Variants in RHBDD1 observed in about 807,000 individuals in gnomAD.
RHBDD1 encodes rhomboid domain containing 1.
A neutral mutation model predicts 36.3 loss-of-function variants in RHBDD1; 38 were observed. The observed-to-expected ratio is 1.05, with a 90% CI of 0.81 to 1.37. The LOEUF (loss-of-function observed/expected upper bound fraction) is 1.37. Among genes scored for constraint, RHBDD1 ranks in the 40% most tolerant of loss-of-function variants. RHBDD1 has a pLI of 0.00. For synonymous variants in RHBDD1, 151 were observed against 136.5 expected, an observed-to-expected ratio of 1.11 and a Z score of -0.74; for missense variants, 393 against 377.6, an observed-to-expected ratio of 1.04 and a Z score of -0.34.
At chr2:226,941,762 C>T (rs1248632745) in intron 8 of RHBDD1, among the ~76,000 whole-genome samples, 3 of 152,142 alleles carry the variant, frequency 2.0e-5, no homozygotes, top group Non-Finnish European at 4.4e-5. Flanking sequence ...AAAGCCACTT[C>T]GCATTTGGGT....
chr2:226,947,175 C>T (rs925263060), intron 8 of RHBDD1, among the ~76,000 whole-genome samples: 1 of 151,356 alleles, frequency 6.6e-6, no homozygotes, highest in African/African-American at 2.4e-5. Flanking sequence ...GAAGTCCTTG[C>T]CCATGCCTAT....
chr2:226,882,799 G>A (rs1431207058), intron 5 of RHBDD1, among the ~76,000 whole-genome samples: 20 of 152,106 alleles, frequency 1.3e-4, no homozygotes, highest in Admixed American at 1.3e-3. Flanking sequence ...TACACAACAG[G>A]AATTTATTTC....
intron 8 of RHBDD1, among the ~76,000 whole-genome samples, chr2:226,919,416 A>G (rs1399849868): frequency 1.3e-5 from 2 of 151,916 alleles, no homozygotes; most frequent in Admixed American, 1.3e-4. Context: ...TCCTGGAGAG[A>G]TTCCCCAACA....
At chr2:226,973,475 A>G (rs571003246) in intron 8 of RHBDD1, among the ~76,000 whole-genome samples, 16 of 152,306 alleles carry the variant, frequency 1.1e-4, no homozygotes, top group South Asian at 2.1e-4. Context: ...CATTTACCCA[A>G]CTGCCCCCAT....
At chr2:226,988,550 CT>C in intron 8 of RHBDD1, 1 of 1,422,858 alleles carries the variant, frequency 7.0e-7, no homozygotes, top group Non-Finnish European at 9.2e-7. Flanking sequence ...CTGGCCCTCT[CT>C]GCGGACTGGT....
chr2:226,836,693 A>C (rs1941010238), intron 1 of RHBDD1, among the ~76,000 whole-genome samples: 1 of 152,196 alleles, frequency 6.6e-6, no homozygotes, highest in African/African-American at 2.4e-5. Context: ...AAAATGAATG[A>C]GTGCCTGCCT....
At chr2:226,953,614 C>T (rs527694857) in intron 8 of RHBDD1, among the ~76,000 whole-genome samples, 40 of 152,092 alleles carry the variant, frequency 2.6e-4, no homozygotes, top group Admixed American at 1.2e-3. Context: ...CTATAATATA[C>T]AATCAAAAAA....
intron 8 of RHBDD1, chr2:226,935,127 C>T (rs1241679651): frequency 6.6e-6 from 1 of 152,178 alleles, no homozygotes; most frequent in Non-Finnish European, 1.5e-5. Context: ...TGCTAGGTAG[C>T]ATATATGAAA....
At chr2:226,989,654 G>A (rs1957743112) in intron 8 of RHBDD1, among the ~76,000 whole-genome samples, 1 of 152,136 alleles carries the variant, frequency 6.6e-6, no homozygotes, top group African/African-American at 2.4e-5. Flanking sequence ...ACCATATCTT[G>A]TCTATATTGC....
chr2:226,892,363 T>C (rs941214652), intron 5 of RHBDD1, among the ~76,000 whole-genome samples: 1 of 152,236 alleles, frequency 6.6e-6, no homozygotes, highest in Non-Finnish European at 1.5e-5. Context: ...TCTGAAATTA[T>C]GGGCTAACTT....
intron 1 of RHBDD1, among the ~76,000 whole-genome samples, chr2:226,837,289 C>T (rs1299394753): frequency 6.6e-6 from 1 of 152,118 alleles, no homozygotes; most frequent in Non-Finnish European, 1.5e-5. Flanking sequence ...AAAATAAGTA[C>T]ATAGTTTGTG....
At chr2:226,854,600 C>CG (rs1943140029) in intron 3 of RHBDD1, among the ~76,000 whole-genome samples, 1 of 71,704 alleles carries the variant, frequency 1.4e-5, no homozygotes, top group Admixed American at 1.7e-4. Flanking sequence ...GACTCTGTTT[C>CG]GAAAAAAAAA....
chr2:226,912,072 C>G (rs535709150), intron 7 of RHBDD1, among the ~76,000 whole-genome samples: 8 of 152,132 alleles, frequency 5.3e-5, no homozygotes, highest in Non-Finnish European at 1.2e-4. Flanking sequence ...TCTGGCTAGA[C>G]ATTTCTCTAA....
At chr2:226,854,162 T>G (rs1028590098) in intron 3 of RHBDD1, among the ~76,000 whole-genome samples, 2 of 152,218 alleles carry the variant, frequency 1.3e-5, no homozygotes, top group African/African-American at 2.4e-5. Flanking sequence ...CTGCTAATAC[T>G]TATATGGTAC....
intron 5 of RHBDD1, among the ~76,000 whole-genome samples, chr2:226,883,304 G>A (rs1379771049): frequency 6.6e-6 from 1 of 152,200 alleles, no homozygotes; most frequent in African/African-American, 2.4e-5. Flanking sequence ...TAATTAGACA[G>A]GCCTGCTGTG....
chr2:226,972,348 C>G (rs888707071), intron 8 of RHBDD1, among the ~76,000 whole-genome samples: 8 of 152,138 alleles, frequency 5.3e-5, no homozygotes, highest in African/African-American at 1.9e-4. Context: ...AAGCCCACTT[C>G]TTAAGAAAGA....
chr2:226,939,673 G>A (rs1950547417), intron 8 of RHBDD1, among the ~76,000 whole-genome samples: 1 of 152,182 alleles, frequency 6.6e-6, no homozygotes, highest in Admixed American at 6.5e-5. Flanking sequence ...TCAATATCAT[G>A]AAAATGGTCA....
At chr2:226,991,526 A>G (rs1958216817) in intron 8 of RHBDD1, among the ~76,000 whole-genome samples, 1 of 152,312 alleles carries the variant, frequency 6.6e-6, no homozygotes, top group South Asian at 2.1e-4. Context: ...TAGGAACCAA[A>G]TAGACATTTA....
rs1206046175 is a variant in RHBDD1 at position 226,897,301 on chromosome 2, GGT to G, written c.567-9483_567-9482del. On this transcript the variant is annotated intron_variant, in intron 5 of 8. Transcript: ENST00000392062. ...TGCTTTCTTACACTTAACAGTTTGA[GGT>G]GTGTGTGTCTGTCTGTCTGTCTGTC... Among the ~76,000 whole-genome samples, 7 of 124,988 alleles carry G rather than the reference GGT, an allele frequency of 5.6e-5. No individual in the cohort carries two copies. The South Asian group carries it at 1.9e-3, about 34-fold the overall frequency. The allele number at this position is 124,988 out of a possible 152,430, so 82.0% of individuals were successfully genotyped here. A position where few individuals can be genotyped will look rare whatever the true frequency, so the allele number is the denominator to read the frequency against.
Sources: allele counts gnomAD v4.1 joint callset (sites outside exome capture counted in the v4.1 genomes callset), GRCh38; gene constraint gnomAD v4.1.1; transcripts MANE v1.5; gene names NCBI Gene and HGNC (gene_info 2026-07-23, HGNC 2026-07-21).